EDN1: variants seen among roughly 807,000 people sequenced by gnomAD.
The protein encoded by EDN1 is endothelin-1.
A neutral mutation model predicts 21.7 loss-of-function variants in EDN1; 11 were observed. The ratio of observed to expected loss-of-function variants is 0.51; its 90% CI spans 0.32 to 0.84. The LOEUF is 0.84. EDN1 is among the 40% of genes least tolerant of loss of function. The probability of loss-of-function intolerance (pLI) is 0.03; values close to 1 mark genes in which losing one functional copy is unlikely to be tolerated. For synonymous variants in EDN1, 85 were observed against 90.6 expected (o/e 0.94, Z 0.35); for missense variants, 244 against 262.3 (o/e 0.93, Z 0.48).
the EDN1 span, among the ~76,000 whole-genome samples, chr6:12,248,855 C>T: frequency 1.3e-5 from 2 of 152,056 alleles, no homozygotes; most frequent in Non-Finnish European, 2.9e-5. Context: ...TTATAGCATA[C>T]GTGCAAAGGG....
At chr6:12,291,700 C>T (rs1762686353) in intron 1 of EDN1, among the ~76,000 whole-genome samples, 1 of 152,190 alleles carries the variant, frequency 6.6e-6, no homozygotes, top group African/African-American at 2.4e-5. Context: ...AGTCCCCTGA[C>T]CTGCTTCTCA....
the EDN1 span, among the ~76,000 whole-genome samples, chr6:12,234,295 CTGCCT>C: frequency 1.3e-5 from 2 of 152,236 alleles, no homozygotes; most frequent in African/African-American, 4.8e-5. Flanking sequence ...TCCCAGGTGG[CTGCCT>C]GGAAGCAAGA....
the EDN1 span, among the ~76,000 whole-genome samples, chr6:12,261,076 G>C: frequency 2.0e-5 from 3 of 152,190 alleles, no homozygotes; most frequent in African/African-American, 7.2e-5. Flanking sequence ...TGTGTGCAAA[G>C]ATGATAACTG....
At position 12,296,241 on chromosome 6, in the gene EDN1, AC is replaced by A; in HGVS notation, c.*176del. On this transcript the variant is annotated 3_prime_UTR_variant, in exon 5 of 5. Coordinates refer to ENST00000379375, the MANE Select transcript of EDN1 (RefSeq NM_001955.5). ...CAAGAAAGGTTAAGGAGTTCCCCCAACCATCTTCACTGGCTTCCATCAGTGG... is the reference window on the plus strand; with the variant it reads ...CAAGAAAGGTTAAGGAGTTCCCCCAACATCTTCACTGGCTTCCATCAGTGG... 2 of 623,370 alleles carry A rather than the reference AC, an allele frequency of 3.2e-6. No individual in the cohort carries two copies. Among genetic ancestry groups the A allele is most frequent in the Non-Finnish European group, 5.8e-6 (2 of 342,002 alleles). 38.6% of individuals were successfully genotyped at this position (623,370 alleles called of 1,614,324 possible). A position where few individuals can be genotyped will look rare whatever the true frequency, so the allele number is the denominator to read the frequency against.
chr6:12,294,034 C>T lies in EDN1; in HGVS notation c.327C>T (p.Cys109=), dbSNP rs1762759941. 6.2e-7 allele frequency: 1 copy of T among 1,614,078 alleles called. No individual in the cohort carries two copies. Among genetic ancestry groups the T allele is most frequent in the South Asian group, 1.1e-5 (1 of 91,084 alleles). The change falls in exon 3 of 5, where the codon TGC becomes TGT. Residue 109 remains cysteine (C), a synonymous_variant. Transcript: ENST00000379375. The stretch of plus-strand genomic sequence containing the variant: ...AGGCAACAGACCGTGAAAATAGATG[C>T]CAATGTGCTAGCCAAAAAGACAAGA... The part of the protein sequence containing the change: ...PTKATDRENR[C]QCASQKDKKC...
chr6:12,243,396 G>A, the EDN1 span, among the ~76,000 whole-genome samples: 1 of 151,844 alleles, frequency 6.6e-6, no homozygotes, highest in Admixed American at 6.6e-5. Context: ...GGAGGTGGGA[G>A]GGAGGCAGGA....
At chr6:12,240,209 G>A in the EDN1 span, among the ~76,000 whole-genome samples, 1 of 152,146 alleles carries the variant, frequency 6.6e-6, no homozygotes, top group African/African-American at 2.4e-5. Flanking sequence ...CAGCCAGCAG[G>A]AAGGCTGTGA....
the EDN1 span, among the ~76,000 whole-genome samples, chr6:12,240,411 T>C: frequency 1.3e-5 from 2 of 152,242 alleles, no homozygotes; most frequent in Admixed American, 6.5e-5. Flanking sequence ...TATTTAGAGA[T>C]AAGGAACTAT....
At chr6:12,276,268 A>G in the EDN1 span, among the ~76,000 whole-genome samples, 1 of 151,994 alleles carries the variant, frequency 6.6e-6, no homozygotes, top group African/African-American at 2.4e-5. Context: ...GGGGACTTCC[A>G]TCCAGATGGC....
At chr6:12,232,394 CAAAT>C in the EDN1 span, among the ~76,000 whole-genome samples, 1 of 151,346 alleles carries the variant, frequency 6.6e-6, no homozygotes, top group Non-Finnish European at 1.5e-5. Flanking sequence ...TGTCCAGTAT[CAAAT>C]AAATAAGGGT....
the EDN1 span, among the ~76,000 whole-genome samples, chr6:12,281,018 A>G: frequency 2.5e-4 from 38 of 152,378 alleles, no homozygotes; most frequent in Non-Finnish European, 4.9e-4. Flanking sequence ...CTTGCAAATT[A>G]CATTTTCTCC....
chr6:12,284,165 C>G, the EDN1 span, among the ~76,000 whole-genome samples: 20 of 152,278 alleles, frequency 1.3e-4, no homozygotes, highest in South Asian at 3.7e-3. Context: ...TCGATAAACA[C>G]GGATGCACAT....
the EDN1 span, among the ~76,000 whole-genome samples, chr6:12,244,569 C>T: frequency 6.6e-6 from 1 of 152,156 alleles, no homozygotes; most frequent in Non-Finnish European, 1.5e-5. Context: ...ATAGCCAAGG[C>T]TGAATAACAA....
the EDN1 span, among the ~76,000 whole-genome samples, chr6:12,273,604 C>CTT: frequency 0.1 from 8,689 of 83,136 alleles, 1,829 homozygotes; most frequent in African/African-American, 0.37. Flanking sequence ...GTAGGCAGGA[C>CTT]TTTTTTTTTT....
the EDN1 span, among the ~76,000 whole-genome samples, chr6:12,283,404 G>A: frequency 2.0e-3 from 297 of 152,266 alleles, 1 homozygote; most frequent in Admixed American, 5.4e-3. Flanking sequence ...TTTCTAAAAC[G>A]CTGTAGGGAA....
At chr6:12,279,462 G>A in the EDN1 span, among the ~76,000 whole-genome samples, 1 of 152,214 alleles carries the variant, frequency 6.6e-6, no homozygotes, top group African/African-American at 2.4e-5. Flanking sequence ...TGAGATGGAT[G>A]ATAAAGGAAA....
the EDN1 span, among the ~76,000 whole-genome samples, chr6:12,250,727 A>G: frequency 1.3e-5 from 2 of 152,120 alleles, no homozygotes; most frequent in African/African-American, 4.8e-5. Context: ...ATAAAAATAC[A>G]CTTTTAAGAA....
chr6:12,290,078 C>T (rs1451103114), upstream of EDN1, among the ~76,000 whole-genome samples: 3 of 152,114 alleles, frequency 2.0e-5, no homozygotes, highest in Admixed American at 2.0e-4. Flanking sequence ...TGGCAGCTTG[C>T]AAAGGGGAAG....
chr6:12,278,030 T>C, the EDN1 span, among the ~76,000 whole-genome samples: 529 of 152,368 alleles, frequency 3.5e-3, 4 homozygotes, highest in Middle Eastern at 6.8e-3. Flanking sequence ...TATCTCCTTC[T>C]TAAAATGCTG....
Sources: allele counts gnomAD v4.1 joint callset (sites outside exome capture counted in the v4.1 genomes callset), GRCh38; gene constraint gnomAD v4.1.1; transcripts MANE v1.5; gene names NCBI Gene and HGNC (gene_info 2026-07-23, HGNC 2026-07-21).